Variants in KANK1 observed in about 807,000 individuals in gnomAD.
KANK1 encodes the protein KN motif and ankyrin repeat domain-containing protein 1.
Under a neutral mutation model 106.2 loss-of-function variants are expected in KANK1, and 109 were observed. The observed-to-expected ratio is 1.03, with a 90% CI of 0.88 to 1.20. KANK1 has a LOEUF of 1.20. KANK1 is among the 50% of genes most tolerant of loss of function. The pLI is 0.00. For missense variants in KANK1, 2,399 were observed against 1,710.7 expected, an observed-to-expected ratio of 1.40 and a Z score of -7.10; for synonymous variants, 873 against 652.2, an observed-to-expected ratio of 1.34 and a Z score of -5.16.
At chr9:544,029 T>G (rs1348280778) in intron 1 of KANK1, among the ~76,000 whole-genome samples, 1 of 152,006 alleles carries the variant, frequency 6.6e-6, no homozygotes, top group East Asian at 1.9e-4. Flanking sequence ...TTTTATTATT[T>G]TATTTTTTAT....
At chr9:729,352 G>C (rs1478075187) in intron 3 of KANK1, among the ~76,000 whole-genome samples, 1 of 152,170 alleles carries the variant, frequency 6.6e-6, no homozygotes, top group Non-Finnish European at 1.5e-5. Context: ...TTCAGGGCAA[G>C]AACATTGTTA....
upstream of KANK1, among the ~76,000 whole-genome samples, chr9:501,741 G>A (rs560889836): frequency 1.3e-5 from 2 of 152,050 alleles, no homozygotes; most frequent in African/African-American, 4.8e-5. Context: ...TAGAGATGAG[G>A]TCTCACTTTA....
In KANK1 at chr9:744,858, G is replaced by A; in HGVS notation, c.3996+269G>A. ...TTTTGATTCTGTGCAGAATTATCCA[G>A]ATAGCAGCCCCTGAGCCCATGGGGA... On this transcript the variant is annotated intron_variant, in intron 11 of 11. Coordinates refer to ENST00000382297, the MANE Select transcript of KANK1 (RefSeq NM_015158.5). The A allele has an allele frequency of 2.8e-6, 4 of 1,413,294 alleles. No homozygotes were observed. The African/African-American group carries it at 4.3e-5, about 15-fold the overall frequency. The allele number at this position is 1,413,294 out of a possible 1,614,324, so 87.5% of individuals were successfully genotyped here.
At chr9:560,345 A>C (rs998545473) in intron 1 of KANK1, among the ~76,000 whole-genome samples, 1 of 152,228 alleles carries the variant, frequency 6.6e-6, no homozygotes, top group African/African-American at 2.4e-5. Flanking sequence ...AATGTGTTGC[A>C]GGTTGATTAA....
chr9:506,914 A>G (rs1324857490), intron 1 of KANK1, among the ~76,000 whole-genome samples: 3 of 152,166 alleles, frequency 2.0e-5, no homozygotes, highest in Non-Finnish European at 2.9e-5. Context: ...ATTCTGAAAG[A>G]GCAGAGTGGG....
At chr9:646,609 T>C (rs1839723465) in intron 1 of KANK1, among the ~76,000 whole-genome samples, 1 of 150,904 alleles carries the variant, frequency 6.6e-6, no homozygotes, top group Non-Finnish European at 1.5e-5. Flanking sequence ...AATCATATTA[T>C]TGTATTGTGC....
chr9:621,708 C>G (rs1035570024), intron 1 of KANK1, among the ~76,000 whole-genome samples: 2 of 152,108 alleles, frequency 1.3e-5, no homozygotes, highest in Admixed American at 6.6e-5. Flanking sequence ...ATGGGTTGCC[C>G]TCCCATCTCG....
chr9:730,348 G>T (rs2131701522), intron 4 of KANK1, 100 bp downstream of exon 4: 1 of 1,219,580 alleles, frequency 8.2e-7, no homozygotes, highest in African/African-American at 1.5e-5. Context: ...TGACCTGGAA[G>T]AAAGTTAATA....
At chr9:620,319 C>T (rs1194310465) in intron 1 of KANK1, among the ~76,000 whole-genome samples, 1 of 152,150 alleles carries the variant, frequency 6.6e-6, no homozygotes, top group Non-Finnish European at 1.5e-5. Flanking sequence ...CTTCAACGAT[C>T]TGCCCCCTAA....
chr9:705,617 G>A (rs1312239915), intron 2 of KANK1, among the ~76,000 whole-genome samples: 1 of 151,674 alleles, frequency 6.6e-6, no homozygotes, highest in African/African-American at 2.4e-5. Context: ...TGGGGGCGGA[G>A]ATGAAGTTTT....
At chr9:567,021 A>G (rs1406601038) in intron 1 of KANK1, among the ~76,000 whole-genome samples, 3 of 152,140 alleles carry the variant, frequency 2.0e-5, no homozygotes, top group Non-Finnish European at 4.4e-5. Flanking sequence ...ATTTTTGTAT[A>G]TGATGTAAGG....
chr9:711,648 G>C lies in KANK1; in HGVS notation c.882G>C (p.Leu294Phe), dbSNP rs1421687345. Reference protein sequence around the residue: ...IPVLQVKISVLQEEKRQLVSQ... With the variant: ...IPVLQVKISVFQEEKRQLVSQ... ...TGCTCCAGGTAAAGATCTCTGTCTTGCAAGAAGAGAAAAGGCAGTTGGTCT... is the reference window on the plus strand; with the variant it reads ...TGCTCCAGGTAAAGATCTCTGTCTTCCAAGAAGAGAAAAGGCAGTTGGTCT... The change falls in exon 3 of 12, where the codon TTG becomes TTC. Residue 294 changes from leucine (L) to phenylalanine (F), a missense_variant. Physicochemically the swap from Leu to Phe is conservative, Grantham distance 22. Coordinates refer to ENST00000382297, the MANE Select transcript of KANK1 (RefSeq NM_015158.5). The C allele has an allele frequency of 1.2e-6, 2 of 1,614,176 alleles. No individual in the cohort carries two copies. Among genetic ancestry groups the C allele is most frequent in the South Asian group, 2.2e-5 (2 of 91,080 alleles).
chr9:533,671 G>A (rs920902732), intron 1 of KANK1, among the ~76,000 whole-genome samples: 7 of 152,166 alleles, frequency 4.6e-5, no homozygotes, highest in African/African-American at 1.7e-4. Context: ...GATGAGAGAG[G>A]CTGTGTTTTG....
chr9:614,774 C>T (rs920816847), intron 1 of KANK1, among the ~76,000 whole-genome samples: 1 of 152,068 alleles, frequency 6.6e-6, no homozygotes, highest in African/African-American at 2.4e-5. Context: ...ATTTAGTGAA[C>T]ATGATCTTTT....
intron 1 of KANK1, among the ~76,000 whole-genome samples, chr9:545,866 C>T (rs1035309606): frequency 6.6e-6 from 1 of 151,908 alleles, no homozygotes; most frequent in African/African-American, 2.4e-5. Context: ...CTGCCTCAGC[C>T]TCCCAAGTAG....
intron 1 of KANK1, among the ~76,000 whole-genome samples, chr9:634,748 G>T (rs978410203): frequency 2.6e-5 from 4 of 152,176 alleles, no homozygotes; most frequent in Non-Finnish European, 5.9e-5. Context: ...AGCCTGTGAG[G>T]CCAGAAGCAA....
At chr9:479,295 T>G (rs532749940) in intron 3 of KANK1, among the ~76,000 whole-genome samples, 1 of 152,280 alleles carries the variant, frequency 6.6e-6, no homozygotes, top group Non-Finnish European at 1.5e-5. Flanking sequence ...CCAACTCAAC[T>G]GAAGAAAATG....
intron 1 of KANK1, among the ~76,000 whole-genome samples, chr9:641,333 T>C (rs1481206876): frequency 6.6e-6 from 1 of 152,244 alleles, no homozygotes; most frequent in African/African-American, 2.4e-5. Context: ...CGTCGTTTCC[T>C]GAGTTAGAAG....
In KANK1 at chr9:621,620, C is replaced by T. The variant is rs144878740; in HGVS notation, c.-83-55270C>T. On this transcript the variant is annotated intron_variant, in intron 1 of 11. Transcript: ENST00000382297. ...TTTCTAAGTCTGAAACTTGATAATC[C>T]ATTTCTGCCTTCCCATGACGAGTGG... Among the ~76,000 whole-genome samples the T allele has an allele frequency of 9.7e-4, 147 of 152,148 alleles. 4 individuals are homozygous for T. The highest frequency in any genetic ancestry group is 3.3e-3 in the African/African-American group (138 of 41,496).
Sources: gnomAD v4.1 joint callset for allele counts (sites outside exome capture counted in the v4.1 genomes callset) on GRCh38, gnomAD v4.1.1 for gene constraint, MANE v1.5 for transcripts, NCBI Gene and HGNC (gene_info 2026-07-23, HGNC 2026-07-21) for gene names.